The following SNAPC3 variants were observed in gnomAD, a reference collection of about 807,000 sequenced individuals.
SNAPC3 encodes snRNA-activating protein complex subunit 3.
Under a neutral mutation model 47.7 loss-of-function variants are expected in SNAPC3, and 56 were observed. The ratio of observed to expected loss-of-function variants is 1.18; its 90% CI spans 0.95 to 1.47. The LOEUF is 1.47. Among genes scored for constraint, SNAPC3 ranks in the 40% most tolerant of loss-of-function variants. SNAPC3 has a pLI of 0.00. For missense variants in SNAPC3, 665 were observed against 511.3 expected, an observed-to-expected ratio of 1.30 and a Z score of -2.90; for synonymous variants, 235 against 189.9, an observed-to-expected ratio of 1.24 and a Z score of -1.95.
chr9:15,449,535 T>TTATATATATATA (rs538667627), intron 5 of SNAPC3, among the ~76,000 whole-genome samples: 3 of 45,784 alleles, frequency 6.6e-5, no homozygotes, highest in African/African-American at 2.2e-4. Context: ...TCTATTATTA[T>TTATATATATATA]TATATATATA....
In SNAPC3 at chr9:15,423,115, C is replaced by G. The variant is rs1275107037; in HGVS notation, c.236C>G (p.Ser79Cys). The G allele has an allele frequency of 6.4e-7, 1 of 1,551,902 alleles. No individual in the cohort carries two copies. The highest frequency in any genetic ancestry group is 2.2e-5 in the Admixed American group (1 of 44,776). ...SALPGSQAAD[S>C]DREDAAVARD... ...CTGCCTGGGAGCCAGGCAGCTGACTCCGACCGGGAGGATGCCGCGGTGGCC... is the reference window on the plus strand; with the variant it reads ...CTGCCTGGGAGCCAGGCAGCTGACTGCGACCGGGAGGATGCCGCGGTGGCC... The change falls in exon 1 of 9, where the codon TCC becomes TGC. Residue 79 changes from serine (S) to cysteine (C), a missense_variant. Physicochemically the swap from Ser to Cys is moderately radical, Grantham distance 112 (BLOSUM62 -1). Transcript: ENST00000380821.
intron 4 of SNAPC3, 32 bp downstream of exon 4, chr9:15,444,738 T>C: frequency 8.9e-7 from 1 of 1,119,634 alleles, no homozygotes; most frequent in South Asian, 1.3e-5. Flanking sequence ...ATTTTATGGA[T>C]AATAGTAACT....
chr9:15,435,844 C>CTTTTTTTTTTTTT (rs57744583), intron 3 of SNAPC3, among the ~76,000 whole-genome samples: 18 of 123,806 alleles, frequency 1.5e-4, no homozygotes, highest in Non-Finnish European at 2.6e-4. Context: ...ACTTTTCTTT[C>CTTTTTTTTTTTTT]TTTTTTTTTT....
At chr9:15,444,456 G>C (rs1043927301) in intron 3 of SNAPC3, 146 bp from the exon 4 acceptor site, 4 of 574,738 alleles carry the variant, frequency 7.0e-6, no homozygotes, top group Non-Finnish European at 1.3e-5. Flanking sequence ...CTAAAGCTTA[G>C]AGATGTCTTA....
At chr9:15,425,497 C>G (rs573032105) in intron 2 of SNAPC3, among the ~76,000 whole-genome samples, 107 of 152,284 alleles carry the variant, frequency 7.0e-4, no homozygotes, top group African/African-American at 2.2e-3. Flanking sequence ...GGATTACATG[C>G]GTGAGCCGCC....
chr9:15,428,111 CAAAAAA>C (rs34074367), intron 2 of SNAPC3, among the ~76,000 whole-genome samples: 2 of 73,014 alleles, frequency 2.7e-5, no homozygotes, highest in African/African-American at 1.1e-4. Flanking sequence ...ACTCTGTCTC[CAAAAAA>C]AAAAAAAAAA....
downstream of SNAPC3, chr9:15,463,524 G>A (rs1476249539): frequency 7.4e-6 from 1 of 135,088 alleles, no homozygotes; most frequent in Non-Finnish European, 1.7e-5. Flanking sequence ...GGGGTGGGGT[G>A]GGGGTTATCT....
At chr9:15,454,713 A>G (rs1396163819) in intron 7 of SNAPC3, among the ~76,000 whole-genome samples, 1 of 152,164 alleles carries the variant, frequency 6.6e-6, no homozygotes, top group African/African-American at 2.4e-5. Flanking sequence ...CAAGGCGGGC[A>G]GATCACGAGG....
At chr9:15,463,059 A>C (rs2035337495), downstream of SNAPC3, 1 of 152,128 alleles carries the variant, frequency 6.6e-6, no homozygotes, top group East Asian at 1.9e-4. Context: ...ATTTGAAATC[A>C]CTGGATATAA....
chr9:15,465,540 C>T (rs762256313), downstream of SNAPC3: 3 of 1,580,672 alleles, frequency 1.9e-6, no homozygotes, highest in Non-Finnish European at 2.6e-6. Context: ...AGTGTAGAAT[C>T]CTTCAGAGAT....
rs139577679 is a variant in SNAPC3 at position 15,433,472 on chromosome 9, T to C, written c.393-80T>C. On this transcript the variant is annotated intron_variant, in intron 2 of 8. Coordinates refer to ENST00000380821, the MANE Select transcript of SNAPC3 (RefSeq NM_001039697.2). ...TAAAATTAGTTCAAAATAAAAAAAC[T>C]TGAATGTTAAATATGTTTTTGAAGC... The C allele has an allele frequency of 4.2e-5, 37 of 887,470 alleles. No homozygotes were observed. In the East Asian group the frequency reaches 8.7e-4, roughly 21 times the overall value. 55.0% of individuals were successfully genotyped at this position (887,470 alleles called of 1,614,324 possible).
At chr9:15,430,276 A>G (rs2131763778) in intron 2 of SNAPC3, among the ~76,000 whole-genome samples, 1 of 152,232 alleles carries the variant, frequency 6.6e-6, no homozygotes, top group South Asian at 2.1e-4. Context: ...ACAAAAAATA[A>G]AAACAATTAG....
At position 15,458,055 on chromosome 9, in the gene SNAPC3, T is replaced by C; in HGVS notation, c.1076T>C (p.Met359Thr). The C allele has an allele frequency of 1.3e-6, 2 of 1,564,330 alleles. No homozygotes were observed. The highest frequency in any genetic ancestry group is 1.7e-6 in the Non-Finnish European group (2 of 1,155,538). Residue 359 changes from methionine (M) to threonine (T), a missense_variant, in exon 8 of 9, where the codon ATG becomes ACG. Transcript: ENST00000380821. ...ACCAGAAAATGTTTTGTTTGTAAAA[T>C]GTATACAGCCAGGTGAGTGATAATG... ...LWTRKCFVCK[M>T]YTARWVTNND...
downstream of SNAPC3, chr9:15,465,217 A>G: frequency 3.5e-6 from 1 of 287,030 alleles, no homozygotes; most frequent in Non-Finnish European, 6.5e-6. Context: ...TTGTTCTACT[A>G]TCAATTACAC....
chr9:15,462,467 T>C (rs1468325905), downstream of SNAPC3: 1 of 152,220 alleles, frequency 6.6e-6, no homozygotes, highest in Non-Finnish European at 1.5e-5. Context: ...AAGACAGCTT[T>C]TCTCTTTTTT....
intron 2 of SNAPC3, among the ~76,000 whole-genome samples, chr9:15,428,377 C>T (rs1294883243): frequency 4.0e-5 from 6 of 151,692 alleles, no homozygotes; most frequent in Admixed American, 1.3e-4. Flanking sequence ...GTCGTGGTGG[C>T]GGGCGCCTGT....
downstream of SNAPC3, chr9:15,465,402 A>T (rs2035549457): frequency 1.1e-6 from 1 of 895,556 alleles, no homozygotes; most frequent in African/African-American, 1.7e-5. Context: ...TTTCTCCCTC[A>T]AAACAAGTTT....
At chr9:15,426,305 C>T (rs2031389786) in intron 2 of SNAPC3, among the ~76,000 whole-genome samples, 1 of 152,142 alleles carries the variant, frequency 6.6e-6, no homozygotes, top group African/African-American at 2.4e-5. Flanking sequence ...TTCTACTCAT[C>T]CTGCAAGTCT....
chr9:15,432,063 A>AGGGG (rs2032233889), intron 2 of SNAPC3: 1 of 152,142 alleles, frequency 6.6e-6, no homozygotes, highest in South Asian at 2.1e-4. Flanking sequence ...TGTTTCTCAC[A>AGGGG]GGGGTATAGG....
Sources: gnomAD v4.1 joint callset for allele counts (sites outside exome capture counted in the v4.1 genomes callset) on GRCh38, gnomAD v4.1.1 for gene constraint, MANE v1.5 for transcripts, NCBI Gene and HGNC (gene_info 2026-07-23, HGNC 2026-07-21) for gene names.